The following KREMEN1 variants were observed in gnomAD, a reference collection of about 807,000 sequenced individuals.
KREMEN1 encodes kremen protein 1.
Under a neutral mutation model 46.5 loss-of-function variants are expected in KREMEN1, and 30 were observed. The observed-to-expected ratio is 0.65, with a 90% CI of 0.48 to 0.88. The LOEUF is 0.88. KREMEN1 is among the 40% of genes least tolerant of loss of function. The probability of loss-of-function intolerance (pLI) is 0.00; values close to 1 mark genes in which losing one functional copy is unlikely to be tolerated. For missense variants in KREMEN1, 533 were observed against 596.9 expected (o/e 0.89, Z 1.11); for synonymous variants, 214 against 230.6 (o/e 0.93, Z 0.65).
chr22:29,166,845 A>T (rs2039056713), intron 9 of KREMEN1, among the ~76,000 whole-genome samples: 1 of 152,200 alleles, frequency 6.6e-6, no homozygotes, highest in Admixed American at 6.5e-5. Flanking sequence ...AGGCAGGAAG[A>T]TCGCTGGAGT....
intron 1 of KREMEN1, among the ~76,000 whole-genome samples, chr22:29,078,365 A>G (rs1469278144): frequency 6.6e-6 from 1 of 152,126 alleles, no homozygotes; most frequent in Non-Finnish European, 1.5e-5. Context: ...GAACTGGCCT[A>G]TGGTTTGTTC....
At chr22:29,152,768 CGTCACAGGGTAA>C (rs1275253703) in intron 9 of KREMEN1, among the ~76,000 whole-genome samples, 1 of 152,174 alleles carries the variant, frequency 6.6e-6, no homozygotes, top group Non-Finnish European at 1.5e-5. Context: ...GCAGTGGCAC[CGTCACAGGGTAA>C]ACTCCAAAAC....
At chr22:29,091,421 C>T (rs1406386002) in intron 1 of KREMEN1, among the ~76,000 whole-genome samples, 1 of 152,052 alleles carries the variant, frequency 6.6e-6, no homozygotes, top group Non-Finnish European at 1.5e-5. Context: ...GATTTCTGGC[C>T]CCTGGATCAC....
intron 3 of KREMEN1, among the ~76,000 whole-genome samples, chr22:29,117,397 C>G (rs1000607669): frequency 6.6e-6 from 1 of 152,132 alleles, no homozygotes; most frequent in Non-Finnish European, 1.5e-5. Context: ...GAAACCCTGT[C>G]TGTACTAAAA....
At chr22:29,130,537 G>A (rs2038515543) in intron 5 of KREMEN1, among the ~76,000 whole-genome samples, 1 of 152,206 alleles carries the variant, frequency 6.6e-6, no homozygotes, top group Non-Finnish European at 1.5e-5. Context: ...TGGGTGCCAA[G>A]AAAGAGTAGA....
At chr22:29,109,264 T>C (rs1040642097) in intron 3 of KREMEN1, among the ~76,000 whole-genome samples, 21 of 152,296 alleles carry the variant, frequency 1.4e-4, no homozygotes, top group Admixed American at 1.0e-3. Flanking sequence ...CACTAGGGAC[T>C]TAAAAAGGAA....
chr22:29,141,972 C>G lies in KREMEN1; in HGVS notation c.1237C>G (p.Leu413Val). The stretch of plus-strand genomic sequence containing the variant: ...CCATCGTGTTCCTGCTTCAGGGGAC[C>G]TTAGGGATTGTCATCAACCAGGGAC... ...KSHRVPASGD[L>V]RDCHQPGTSG... Residue 413 changes from leucine to valine, a missense_variant, in exon 9 of 9, where the codon CTT (leucine) becomes GTT (valine). By Grantham distance (32) the Leu-to-Val change is conservative. Transcript: ENST00000400335. 1 of 1,610,904 alleles carries G rather than the reference C, an allele frequency of 6.2e-7. No homozygotes were observed. Among genetic ancestry groups the G allele is most frequent in the East Asian group, 2.2e-5 (1 of 44,748 alleles).
chr22:29,147,670 G>A (rs2187863), downstream of KREMEN1, among the ~76,000 whole-genome samples: 5,097 of 152,318 alleles, frequency 0.033, 139 homozygotes, highest in Middle Eastern at 0.051. Context: ...AGATCTGAGC[G>A]GGGTAAGACC....
intron 3 of KREMEN1, among the ~76,000 whole-genome samples, chr22:29,108,545 T>C (rs779821782): frequency 1.3e-5 from 2 of 152,178 alleles, no homozygotes; most frequent in South Asian, 4.1e-4. Context: ...CTAGCACATA[T>C]CAGGTAGACA....
At chr22:29,132,582 T>A (rs553201931) in intron 5 of KREMEN1, among the ~76,000 whole-genome samples, 1 of 152,364 alleles carries the variant, frequency 6.6e-6, no homozygotes, top group South Asian at 2.1e-4. Context: ...CTAGTAGGTA[T>A]GTAGTAGTAT....
Position 29,138,656 on chromosome 22 carries a change from G to T in KREMEN1, c.997G>T (p.Ala333Ser). 1.2e-6 allele frequency: 2 copies of T among 1,614,200 alleles called. No individual in the cohort carries two copies. The highest frequency in any genetic ancestry group is 1.7e-6 in the Non-Finnish European group (2 of 1,180,046). ...VKEELPQERP[A>S]VNQTVAEVIT... ...GGAAGAACTGCCACAGGAGAGGCCC[G>T]CTGTCAACCAGACGGTGGCCGAGGT... Residue 333 changes from alanine (A) to serine (S), a missense_variant, in exon 7 of 9, where the codon GCT (alanine) becomes TCT (serine). Ala to Ser is a moderately conservative substitution (Grantham distance 99). Coordinates refer to ENST00000400335, the MANE Select transcript of KREMEN1 (RefSeq NM_001039570.3).
At chr22:29,117,823 G>A (rs117923199) in intron 3 of KREMEN1, among the ~76,000 whole-genome samples, 1 of 152,262 alleles carries the variant, frequency 6.6e-6, no homozygotes, top group South Asian at 2.1e-4. Flanking sequence ...GACCCATGAT[G>A]AATTAATTTC....
At chr22:29,137,740 C>T in intron 6 of KREMEN1, 66 bp downstream of exon 6, 1 of 1,319,088 alleles carries the variant, frequency 7.6e-7, no homozygotes, top group Non-Finnish European at 1.0e-6. Flanking sequence ...TCTTCTTCAC[C>T]CTTGTGACTT....
chr22:29,136,164 C>T (rs2038652773), intron 5 of KREMEN1, among the ~76,000 whole-genome samples: 1 of 151,844 alleles, frequency 6.6e-6, no homozygotes, highest in African/African-American at 2.4e-5. Context: ...TCAGGTGATC[C>T]ACCTGCCTTG....
chr22:29,135,138 G>A (rs551203139), intron 5 of KREMEN1, among the ~76,000 whole-genome samples: 24 of 152,294 alleles, frequency 1.6e-4, no homozygotes, highest in South Asian at 8.3e-4. Context: ...CTCCCTCCAG[G>A]AGTAGTAGAG....
intron 3 of KREMEN1, among the ~76,000 whole-genome samples, chr22:29,121,055 G>T (rs554076537): frequency 2.0e-5 from 3 of 149,826 alleles, no homozygotes; most frequent in African/African-American, 7.3e-5. Context: ...TTAGGAAATT[G>T]TTCCTAGTTT....
chr22:29,123,785 A>C (rs941549255), intron 4 of KREMEN1, among the ~76,000 whole-genome samples: 2 of 152,198 alleles, frequency 1.3e-5, no homozygotes, highest in Non-Finnish European at 2.9e-5. Flanking sequence ...GTGAGACTCT[A>C]TCTGAAAAAC....
At chr22:29,082,581 A>G (rs2037672187) in intron 1 of KREMEN1, among the ~76,000 whole-genome samples, 1 of 152,188 alleles carries the variant, frequency 6.6e-6, no homozygotes, top group East Asian at 1.9e-4. Flanking sequence ...CTCATTCACC[A>G]GCTTCCCTCT....
intron 3 of KREMEN1, among the ~76,000 whole-genome samples, chr22:29,100,441 A>C (rs2037959767): frequency 6.6e-6 from 1 of 152,128 alleles, no homozygotes; most frequent in Admixed American, 6.5e-5. Flanking sequence ...TGGAGCTGAA[A>C]AATTTCTGTT....
Sources: allele counts gnomAD v4.1 joint callset (sites outside exome capture counted in the v4.1 genomes callset), GRCh38; gene constraint gnomAD v4.1.1; transcripts MANE v1.5; gene names NCBI Gene and HGNC (gene_info 2026-07-23, HGNC 2026-07-21).